DCLK2: variants seen among roughly 807,000 people sequenced by gnomAD.
DCLK2 encodes the protein doublecortin like kinase 2, also known as serine/threonine-protein kinase DCLK2.
In DCLK2, 31 loss-of-function variants were observed where a neutral mutation model predicts 78.4. The ratio of observed to expected loss-of-function variants is 0.40; its 90% CI spans 0.30 to 0.53. The LOEUF (loss-of-function observed/expected upper bound fraction) is 0.53, where lower values mean the gene tolerates loss of function less well. DCLK2 is among the 20% of genes least tolerant of loss of function. The probability of loss-of-function intolerance (pLI) is 0.61; values close to 1 mark genes in which losing one functional copy is unlikely to be tolerated. For missense variants in DCLK2, 872 were observed against 973.7 expected, an observed-to-expected ratio of 0.90 and a Z score of 1.39; for synonymous variants, 407 against 374.9, an observed-to-expected ratio of 1.09 and a Z score of -0.99.
chr4:150,083,084 C>T (rs1223747330), intron 1 of DCLK2, among the ~76,000 whole-genome samples: 1 of 152,136 alleles, frequency 6.6e-6, no homozygotes, highest in African/African-American at 2.4e-5. Context: ...TGTGTATGTA[C>T]CCGTTAATTA....
intron 10 of DCLK2, among the ~76,000 whole-genome samples, chr4:150,233,046 G>C (rs774391443): frequency 3.9e-5 from 6 of 152,144 alleles, no homozygotes; most frequent in Non-Finnish European, 8.8e-5. Context: ...TTCTCACTCT[G>C]CTATAAAGAA....
rs760593804 is a variant in DCLK2 at position 150,239,873 on chromosome 4, T to C, written c.1698T>C (p.Thr566=). Residue 566 remains threonine, a splice_region_variant and synonymous_variant, in exon 11 of 16, where the codon ACT becomes ACC. Transcript: ENST00000296550. ...TGGCTCCAGAAATCATTGCTGAAAC[T>C]GGGTAAGACTTCTGGTGGCCCTGGT... is the stretch of plus-strand genomic sequence containing the variant. ...TYVAPEIIAE[T]GYGLKVDIWA... The C allele has an allele frequency of 6.2e-7, 1 of 1,613,910 alleles. No homozygotes were observed. Among genetic ancestry groups the C allele is most frequent in the Non-Finnish European group, 8.5e-7 (1 of 1,179,958 alleles).
chr4:150,220,763 T>TGA lies in DCLK2; in HGVS notation c.1118_1119insAG (p.Cys373Ter). Reference sequence around the variant, plus strand: ...AAACGGTGGACCTGAGCTTGACCGTTGCATAAGTCCTGAAGGTAGTTCTCA... The same window carrying TGA: ...AAACGGTGGACCTGAGCTTGACCGTTGAGCATAAGTCCTGAAGGTAGTTCTCA... ...NVNGGPELDR[C>*]ISPEGVNGNR... The change falls in exon 6 of 16, where the codon TGC becomes TGAGC. Residue 373 changes from cysteine to a stop codon, truncating the protein, a stop_gained and frameshift_variant. Transcript: ENST00000296550. LOFTEE classifies it high-confidence loss of function. 1 of 1,613,794 alleles carries TGA rather than the reference T, an allele frequency of 6.2e-7. No homozygotes were observed. The highest frequency in any genetic ancestry group is 8.5e-7 in the Non-Finnish European group (1 of 1,179,796).
At chr4:150,157,572 G>A (rs998090337) in intron 2 of DCLK2, among the ~76,000 whole-genome samples, 1 of 150,450 alleles carries the variant, frequency 6.6e-6, no homozygotes, top group East Asian at 2.0e-4. Flanking sequence ...GAGTGCAGTG[G>A]TGTGATCTCG....
intron 2 of DCLK2, among the ~76,000 whole-genome samples, chr4:150,192,523 A>G (rs552514625): frequency 6.7e-6 from 1 of 149,780 alleles, no homozygotes; most frequent in South Asian, 2.1e-4. Context: ...ACATATTTAG[A>G]TATAGGGCAT....
intron 2 of DCLK2, among the ~76,000 whole-genome samples, chr4:150,110,690 G>A (rs902362496): frequency 6.6e-6 from 1 of 151,954 alleles, no homozygotes; most frequent in African/African-American, 2.4e-5. Context: ...GTATGCCTTT[G>A]TGTTCCCATA....
At chr4:150,146,705 A>G (rs767720777) in intron 2 of DCLK2, among the ~76,000 whole-genome samples, 11 of 152,282 alleles carry the variant, frequency 7.2e-5, no homozygotes, top group Admixed American at 3.9e-4. Context: ...GTTAGCCTTC[A>G]ATAAGTGTTG....
At chr4:150,252,111 A>G (rs1744214893) in intron 15 of DCLK2, among the ~76,000 whole-genome samples, 2 of 152,162 alleles carry the variant, frequency 1.3e-5, no homozygotes, top group Admixed American at 6.5e-5. Context: ...AGAGTTGTCA[A>G]AGAATTACAG....
At chr4:150,110,990 G>A (rs1253991112) in intron 2 of DCLK2, among the ~76,000 whole-genome samples, 2 of 152,082 alleles carry the variant, frequency 1.3e-5, no homozygotes, top group African/African-American at 4.8e-5. Context: ...TTTCCTTTGT[G>A]TAGATACCCA....
chr4:150,132,817 G>A (rs970142701), intron 2 of DCLK2, among the ~76,000 whole-genome samples: 14 of 152,072 alleles, frequency 9.2e-5, no homozygotes, highest in Admixed American at 2.0e-4. Flanking sequence ...TTGTAGAGAC[G>A]GGGTCTCACT....
At chr4:150,091,166 G>A (rs1730034727) in intron 1 of DCLK2, among the ~76,000 whole-genome samples, 1 of 152,182 alleles carries the variant, frequency 6.6e-6, no homozygotes, top group Non-Finnish European at 1.5e-5. Flanking sequence ...CATCTGTGAT[G>A]TATTTAAAAT....
At chr4:150,232,124 G>C (rs1278005526) in intron 8 of DCLK2, among the ~76,000 whole-genome samples, 2 of 152,140 alleles carry the variant, frequency 1.3e-5, no homozygotes, top group African/African-American at 4.8e-5. Context: ...GGATGTTTAG[G>C]AGTCTGTATC....
intron 1 of DCLK2, among the ~76,000 whole-genome samples, chr4:150,091,532 T>C (rs1730072878): frequency 1.3e-5 from 2 of 152,214 alleles, no homozygotes; most frequent in South Asian, 4.1e-4. Flanking sequence ...CTTCTACTCC[T>C]AGAGTTAGGC....
At chr4:150,079,564 G>A in intron 1 of DCLK2, 116 bp downstream of exon 1, 2 of 1,031,794 alleles carry the variant, frequency 1.9e-6, no homozygotes, top group East Asian at 2.8e-5. Context: ...GGGAATTGAT[G>A]CTTCTGTCTG....
chr4:150,121,260 T>G (rs1191421027), intron 2 of DCLK2, among the ~76,000 whole-genome samples: 2 of 80,396 alleles, frequency 2.5e-5, no homozygotes, highest in African/African-American at 1.3e-4. Context: ...TTAGCCACAG[T>G]AGAACTTCTT....
intron 5 of DCLK2, among the ~76,000 whole-genome samples, chr4:150,210,283 C>T (rs1347041080): frequency 6.6e-6 from 1 of 152,146 alleles, no homozygotes; most frequent in African/African-American, 2.4e-5. Flanking sequence ...TACCGTAAAC[C>T]TTGGCATTTC....
intron 2 of DCLK2, among the ~76,000 whole-genome samples, chr4:150,142,514 G>A (rs751790785): frequency 9.2e-5 from 14 of 152,080 alleles, no homozygotes; most frequent in Non-Finnish European, 1.6e-4. Context: ...AGTTTCTAAA[G>A]CATTAATATT....
intron 2 of DCLK2, among the ~76,000 whole-genome samples, chr4:150,184,370 T>C (rs1737746466): frequency 6.6e-6 from 1 of 152,180 alleles, no homozygotes; most frequent in Admixed American, 6.5e-5. Context: ...AAAAATGCAT[T>C]TCAACTTTTC....
intron 2 of DCLK2, among the ~76,000 whole-genome samples, chr4:150,165,933 C>T (rs768135507): frequency 5.3e-5 from 8 of 152,034 alleles, no homozygotes; most frequent in Non-Finnish European, 7.4e-5. Flanking sequence ...GTGAGTCTGG[C>T]GCCTGGTGCC....
Sources: allele counts gnomAD v4.1 joint callset (sites outside exome capture counted in the v4.1 genomes callset), GRCh38; gene constraint gnomAD v4.1.1; transcripts MANE v1.5; gene names NCBI Gene and HGNC (gene_info 2026-07-23, HGNC 2026-07-21).